ALDH1A1: variants seen among roughly 807,000 people sequenced by gnomAD.
The protein encoded by ALDH1A1 is aldehyde dehydrogenase 1 family member A1, also known as aldehyde dehydrogenase 1A1.
ALDH1A1 carries 19 observed loss-of-function variants against 62.1 expected under a neutral mutation model. The ratio of observed to expected loss-of-function variants is 0.31; its 90% CI spans 0.21 to 0.45. The LOEUF is 0.45. Ranked by LOEUF, ALDH1A1 falls within the 20% of genes least tolerant of loss-of-function variation. The pLI is 1.00. For missense variants in ALDH1A1, 521 were observed against 607.1 expected (o/e 0.86, Z 1.49); for synonymous variants, 231 against 215.9 (o/e 1.07, Z -0.61).
At chr9:72,927,380 T>C (rs1477190444) in intron 4 of ALDH1A1, among the ~76,000 whole-genome samples, 1 of 152,164 alleles carries the variant, frequency 6.6e-6, no homozygotes. Context: ...AGACCATCTA[T>C]ATCTCCAACT....
chr9:72,947,405 G>T (rs1357074765), intron 1 of ALDH1A1, among the ~76,000 whole-genome samples: 1 of 151,874 alleles, frequency 6.6e-6, no homozygotes. Context: ...CCTTGCTGCT[G>T]GTCAACAGAC....
At chr9:72,931,926 T>C (rs574141305) in intron 2 of ALDH1A1, among the ~76,000 whole-genome samples, 1 of 152,242 alleles carries the variant, frequency 6.6e-6, no homozygotes, top group African/African-American at 2.4e-5. Context: ...TTCACTCTCA[T>C]AGTGCCTTCA....
chr9:72,918,669 G>T (rs1588135144), intron 8 of ALDH1A1, 51 bp downstream of exon 8: 4 of 440,626 alleles, frequency 9.1e-6, no homozygotes, highest in South Asian at 7.2e-5. Context: ...GGCATTATCA[G>T]ACACCAAAAA....
chr9:72,915,466 T>C (rs1030277004), intron 9 of ALDH1A1, among the ~76,000 whole-genome samples: 89 of 151,552 alleles, frequency 5.9e-4, no homozygotes, highest in African/African-American at 1.7e-3. Flanking sequence ...ACAAAAAACA[T>C]AGAATTCCAT....
At chr9:72,908,583 GAAAGAAAGAAAGA>G (rs1564622722) in intron 11 of ALDH1A1, among the ~76,000 whole-genome samples, 1 of 129,100 alleles carries the variant, frequency 7.7e-6, no homozygotes, top group Non-Finnish European at 1.7e-5. Flanking sequence ...AAGAAAGAAA[GAAAGAAAGAAAGA>G]AAGAAAGAAA....
intron 9 of ALDH1A1, among the ~76,000 whole-genome samples, chr9:72,913,019 G>A (rs1241072212): frequency 6.6e-6 from 1 of 152,066 alleles, no homozygotes; most frequent in Admixed American, 6.5e-5. Context: ...AGGATTAAAG[G>A]AAAAACAGGA....
At chr9:72,920,735 T>C (rs1830129529) in intron 7 of ALDH1A1, among the ~76,000 whole-genome samples, 1 of 152,226 alleles carries the variant, frequency 6.6e-6, no homozygotes, top group Admixed American at 6.5e-5. Flanking sequence ...ACATTAATTT[T>C]TGTCTCATGA....
chr9:72,918,707 G>A lies in ALDH1A1; in HGVS notation c.850+13C>T, dbSNP rs1165939125. On this transcript the variant is annotated intron_variant, in intron 8 of 12. Coordinates refer to ENST00000297785, the MANE Select transcript of ALDH1A1 (RefSeq NM_000689.5). ...ATGAAGGACGAAAAGTTAACAAAGTGGTTTCTACTCACAGTCGGCATCAGC... is the reference window on the plus strand; with the variant it reads ...ATGAAGGACGAAAAGTTAACAAAGTAGTTTCTACTCACAGTCGGCATCAGC... 1.3e-6 allele frequency: 2 copies of A among 1,492,972 alleles called. No homozygotes were observed. Among genetic ancestry groups the A allele is most frequent in the Non-Finnish European group, 1.8e-6 (2 of 1,106,690 alleles). 92.5% of individuals were successfully genotyped at this position (1,492,972 alleles called of 1,614,324 possible).
chr9:72,925,007 C>T (rs944906920), intron 6 of ALDH1A1, among the ~76,000 whole-genome samples: 1 of 152,090 alleles, frequency 6.6e-6, no homozygotes, highest in Non-Finnish European at 1.5e-5. Context: ...ATAAACATAT[C>T]CACTCATGAG....
At chr9:72,901,725 AAT>A (rs918397830) in intron 12 of ALDH1A1, among the ~76,000 whole-genome samples, 7 of 152,064 alleles carry the variant, frequency 4.6e-5, no homozygotes, top group African/African-American at 1.7e-4. Context: ...GAGAAGTAGT[AAT>A]ATATGATCAC....
At chr9:72,946,233 A>G (rs1928848) in intron 1 of ALDH1A1, among the ~76,000 whole-genome samples, 3,476 of 152,120 alleles carry the variant, frequency 0.023, 66 homozygotes, top group South Asian at 0.064. Context: ...CTTCTAAAAG[A>G]ATGCCAAATA....
In ALDH1A1 at chr9:72,928,786, C is replaced by A. The variant is rs563716431; in HGVS notation, c.442+106G>T. The A allele has an allele frequency of 4.8e-6, 6 of 1,256,090 alleles. No homozygotes were observed. The Admixed American group carries it at 1.4e-4, about 29-fold the overall frequency. The allele number at this position is 1,256,090 out of a possible 1,614,324, so 77.8% of individuals were successfully genotyped here. On this transcript the variant is annotated intron_variant, in intron 4 of 12. Transcript: ENST00000297785. ...CAAAGTCAAGAGGAAAATAATTTTG[C>A]CTTATTTGGTTGACATCTTTAAAAG...
chr9:72,906,738 G>C (rs1440669868), intron 11 of ALDH1A1, among the ~76,000 whole-genome samples: 2 of 152,110 alleles, frequency 1.3e-5, no homozygotes, highest in Non-Finnish European at 2.9e-5. Flanking sequence ...AAATTTGCTG[G>C]TGGCCAAAAG....
intron 7 of ALDH1A1, among the ~76,000 whole-genome samples, chr9:72,919,400 T>A (rs1830107120): frequency 6.6e-6 from 1 of 152,166 alleles, no homozygotes; most frequent in Admixed American, 6.5e-5. Flanking sequence ...CAACCTGGAC[T>A]GCCTTCAAGT....
intron 7 of ALDH1A1, 86 bp from the exon 8 acceptor site, chr9:72,918,908 G>A: frequency 1.1e-6 from 1 of 921,670 alleles, no homozygotes; most frequent in South Asian, 1.7e-5. Flanking sequence ...TGTGATGTTT[G>A]TGCCACAGTA....
chr9:72,908,603 GAAAGAAAGAAAGAAAGA>G (rs1564622866), intron 11 of ALDH1A1, among the ~76,000 whole-genome samples: 1 of 143,584 alleles, frequency 7.0e-6, no homozygotes, highest in Non-Finnish European at 1.5e-5. Flanking sequence ...AAGAAAGAAA[GAAAGAAAGAAAGAAAGA>G]AAGAAAGAGA....
chr9:72,922,334 G>T (rs117861372), intron 7 of ALDH1A1, among the ~76,000 whole-genome samples: 143 of 152,272 alleles, frequency 9.4e-4, no homozygotes, highest in Non-Finnish European at 1.9e-3. Context: ...TTTAAACCAA[G>T]ATATTTTCTA....
intron 8 of ALDH1A1, 112 bp from the exon 9 acceptor site, chr9:72,917,216 A>T: frequency 1.2e-6 from 1 of 819,348 alleles, no homozygotes; most frequent in South Asian, 5.7e-5. Context: ...GTAGTCAGAC[A>T]TGGGCTCAGT....
chr9:72,908,852 G>A (rs1268640437), intron 11 of ALDH1A1, among the ~76,000 whole-genome samples: 1 of 151,992 alleles, frequency 6.6e-6, no homozygotes, highest in African/African-American at 2.4e-5. Context: ...ATATAAACTA[G>A]GTCAAAAATG....
Sources: allele counts gnomAD v4.1 joint callset (sites outside exome capture counted in the v4.1 genomes callset), GRCh38; gene constraint gnomAD v4.1.1; transcripts MANE v1.5; gene names NCBI Gene and HGNC (gene_info 2026-07-23, HGNC 2026-07-21).